LMOD1: variants seen among roughly 807,000 people sequenced by gnomAD.
LMOD1 encodes leiomodin-1.
LMOD1 carries 8 observed loss-of-function variants against 36.5 expected under a neutral mutation model. That is an observed-to-expected ratio of 0.22 (90% CI 0.13 to 0.40). The LOEUF (loss-of-function observed/expected upper bound fraction) is 0.40. Among genes scored for constraint, LMOD1 ranks in the 10% least tolerant of loss-of-function variants. The pLI is 1.00. For synonymous variants in LMOD1, 284 were observed against 288.7 expected, an observed-to-expected ratio of 0.98 and a Z score of 0.17; for missense variants, 630 against 751.1, an observed-to-expected ratio of 0.84 and a Z score of 1.88.
rs1224558023 is a variant in LMOD1 at position 201,900,619 on chromosome 1, T to C, written c.394A>G (p.Lys132Glu). 6.2e-7 allele frequency: 1 copy of C among 1,613,904 alleles called. No individual in the cohort carries two copies. Among genetic ancestry groups the C allele is most frequent in the Non-Finnish European group, 8.5e-7 (1 of 1,179,892 alleles). ...GKEPKRGGLKKSFSRDRDEAG... is the reference protein window; with the variant it reads ...GKEPKRGGLKESFSRDRDEAG... The stretch of plus-strand genomic sequence containing the variant: ...TCATCTCTGTCTCTAGAGAAGCTTT[T>C]CTTTAAACCACCCCTCTTTGGCTCC... The change falls in exon 2 of 3, where the codon AAA (lysine) becomes GAA (glutamate). Residue 132 changes from lysine to glutamate, a missense_variant. By Grantham distance (56) the Lys-to-Glu change is moderately conservative. Coordinates refer to ENST00000367288, the MANE Select transcript of LMOD1 (RefSeq NM_012134.3).
intron 1 of LMOD1, among the ~76,000 whole-genome samples, chr1:201,943,120 C>T (rs1682148367): frequency 6.6e-6 from 1 of 152,184 alleles, no homozygotes; most frequent in Non-Finnish European, 1.5e-5. Flanking sequence ...TGCTCTGTAG[C>T]ACTCTCTGAT....
At chr1:201,936,523 G>C (rs1158261886) in intron 1 of LMOD1, among the ~76,000 whole-genome samples, 2 of 152,230 alleles carry the variant, frequency 1.3e-5, no homozygotes, top group African/African-American at 4.8e-5. Context: ...TTGGGGCCTG[G>C]CTTTTCCTCT....
At chr1:201,943,769 G>A (rs1200733191) in intron 1 of LMOD1, among the ~76,000 whole-genome samples, 1 of 152,134 alleles carries the variant, frequency 6.6e-6, no homozygotes, top group Non-Finnish European at 1.5e-5. Context: ...GTGCTCTACC[G>A]CAGCACCGCT....
intron 1 of LMOD1, among the ~76,000 whole-genome samples, chr1:201,920,907 G>T (rs924127756): frequency 5.9e-5 from 9 of 151,952 alleles, no homozygotes; most frequent in African/African-American, 1.9e-4. Context: ...AGAAAGAAGA[G>T]AAAAAAAGAA....
At chr1:201,898,622 C>T (rs1272365973) in intron 2 of LMOD1, among the ~76,000 whole-genome samples, 1 of 152,168 alleles carries the variant, frequency 6.6e-6, no homozygotes, top group Non-Finnish European at 1.5e-5. Context: ...TACCTTGTCC[C>T]AGATGATGTT....
intron 1 of LMOD1, among the ~76,000 whole-genome samples, chr1:201,938,159 C>T (rs1033982671): frequency 7.2e-6 from 1 of 138,920 alleles, no homozygotes; most frequent in Non-Finnish European, 1.5e-5. Context: ...GATGGAGTTT[C>T]GCTCTTGTTG....
chr1:201,936,960 A>G (rs1417891897), intron 1 of LMOD1, among the ~76,000 whole-genome samples: 2 of 152,052 alleles, frequency 1.3e-5, no homozygotes, highest in Non-Finnish European at 2.9e-5. Flanking sequence ...AATCTGCTCA[A>G]ATGTCACCTC....
At chr1:201,915,432 G>T (rs796537797) in intron 1 of LMOD1, among the ~76,000 whole-genome samples, 2 of 152,114 alleles carry the variant, frequency 1.3e-5, no homozygotes, top group Non-Finnish European at 2.9e-5. Context: ...ATCTTGGTTT[G>T]TGTGCCCCAA....
chr1:201,900,773 A>G lies in LMOD1; in HGVS notation c.262-22T>C, dbSNP rs754258534. On this transcript the variant is annotated intron_variant, in intron 1 of 2. Coordinates refer to ENST00000367288, the MANE Select transcript of LMOD1 (RefSeq NM_012134.3). ...TTTCCTAAGAATTCAGAAAAGAAAAATAATCATGAAAAGCTGGCTACAGAG... is the reference window on the plus strand; with the variant it reads ...TTTCCTAAGAATTCAGAAAAGAAAAGTAATCATGAAAAGCTGGCTACAGAG... The G allele has an allele frequency of 3.8e-6, 6 of 1,558,472 alleles. No individual in the cohort carries two copies. In the South Asian group the frequency reaches 7.3e-5, roughly 19 times the overall value.
At chr1:201,918,788 T>C (rs911717978) in intron 1 of LMOD1, among the ~76,000 whole-genome samples, 1 of 152,236 alleles carries the variant, frequency 6.6e-6, no homozygotes, top group African/African-American at 2.4e-5. Context: ...TCTCTACATA[T>C]GGCCAATCTT....
At chr1:201,928,856 C>G (rs1157719669) in intron 1 of LMOD1, among the ~76,000 whole-genome samples, 1 of 151,426 alleles carries the variant, frequency 6.6e-6, no homozygotes, top group Non-Finnish European at 1.5e-5. Flanking sequence ...GCTGGGATTA[C>G]AGGTGTGTGC....
intron 1 of LMOD1, among the ~76,000 whole-genome samples, chr1:201,940,218 T>G (rs953706942): frequency 4.4e-4 from 66 of 149,474 alleles, no homozygotes; most frequent in Non-Finnish European, 8.5e-4. Context: ...GATGGAGTCT[T>G]GCTCTGTTGC....
In LMOD1 at chr1:201,939,308, T is replaced by TA. The variant is rs553870412; in HGVS notation, c.261+6771dup. Among the ~76,000 whole-genome samples the TA allele has an allele frequency of 1.1e-4, 17 of 152,340 alleles. No homozygotes were observed. In the South Asian group the frequency reaches 2.3e-3, roughly 20 times the overall value. The stretch of plus-strand genomic sequence containing the variant: ...CACTATAACCCTTCAAGGATGATTT[T>TA]ATCATCCCCACTTGACAGGTGAAGT... On this transcript the variant is annotated intron_variant, in intron 1 of 2. Coordinates refer to ENST00000367288, the MANE Select transcript of LMOD1 (RefSeq NM_012134.3).
At chr1:201,933,310 A>G (rs961617922) in intron 1 of LMOD1, among the ~76,000 whole-genome samples, 1 of 151,676 alleles carries the variant, frequency 6.6e-6, no homozygotes, top group East Asian at 1.9e-4. Flanking sequence ...GCTACTTTGG[A>G]GGCTGAGGCA....
rs1681222654 is a variant in LMOD1 at position 201,898,012 on chromosome 1, G to A, written c.*360C>T. On this transcript the variant is annotated 3_prime_UTR_variant, in exon 3 of 3. Coordinates refer to ENST00000367288, the MANE Select transcript of LMOD1 (RefSeq NM_012134.3). The stretch of plus-strand genomic sequence containing the variant: ...CTGGCCCTGGAGGGCAGTGGGGCTG[G>A]GGTGGATGTGGTCCCTGTGGGACAT... 1 of 253,910 alleles carries A rather than the reference G, an allele frequency of 3.9e-6. No individual in the cohort carries two copies. The highest frequency in any genetic ancestry group is 7.2e-5 in the South Asian group (1 of 13,834). The allele number at this position is 253,910 out of a possible 1,614,324, so 15.7% of individuals were successfully genotyped here.
chr1:201,900,851 G>C, intron 1 of LMOD1, 100 bp from the exon 2 acceptor site: 1 of 1,043,258 alleles, frequency 9.6e-7, no homozygotes, highest in South Asian at 1.7e-5. Flanking sequence ...AACTGCCCTT[G>C]AGCCTCTGAA....
chr1:201,905,143 G>A (rs1049247767), intron 1 of LMOD1, among the ~76,000 whole-genome samples: 1 of 152,278 alleles, frequency 6.6e-6, no homozygotes, highest in Non-Finnish European at 1.5e-5. Flanking sequence ...TTCCCTTTGC[G>A]AAAAGCATTA....
Position 201,925,212 on chromosome 1 carries a change from CA to C in LMOD1, c.261+20867del, listed in dbSNP as rs201966653. ...GGGCTACAAGAGCAAAACTCCAGCT[CA>C]AAAAAAAAAGAAAAAAAAAAAGATC... On this transcript the variant is annotated intron_variant, in intron 1 of 2. Coordinates refer to ENST00000367288, the MANE Select transcript of LMOD1 (RefSeq NM_012134.3). 6.7e-4 allele frequency among the ~76,000 whole-genome samples: 88 copies of C among 130,976 alleles called. 1 individual carries two copies. The East Asian group carries it at 0.017, about 26-fold the overall frequency. 85.9% of individuals were successfully genotyped at this position (130,976 alleles called of 152,430 possible). A position where few individuals can be genotyped will look rare whatever the true frequency, so the allele number is the denominator to read the frequency against.
At chr1:201,924,397 GA>G (rs1681765540) in intron 1 of LMOD1, among the ~76,000 whole-genome samples, 1 of 99,322 alleles carries the variant, frequency 1.0e-5, no homozygotes, top group African/African-American at 4.0e-5. Flanking sequence ...AGGAAGGAAG[GA>G]AGGAAGCAAG....
Sources: allele counts gnomAD v4.1 joint callset (sites outside exome capture counted in the v4.1 genomes callset), GRCh38; gene constraint gnomAD v4.1.1; transcripts MANE v1.5; gene names NCBI Gene and HGNC (gene_info 2026-07-23, HGNC 2026-07-21).